Variants in TTYH2 observed in about 807,000 individuals in gnomAD.
The protein encoded by TTYH2 is protein tweety homolog 2.
Under a neutral mutation model 68.3 loss-of-function variants are expected in TTYH2, and 49 were observed. That is an observed-to-expected ratio of 0.72 (90% CI 0.57 to 0.91). TTYH2 has a LOEUF of 0.91. Among genes scored for constraint, TTYH2 ranks in the 40% least tolerant of loss-of-function variants. The pLI is 0.00. For missense variants in TTYH2, 631 were observed against 700.4 expected (o/e 0.90, Z 1.12); for synonymous variants, 272 against 300.8 (o/e 0.90, Z 0.99).
intron 3 of TTYH2, among the ~76,000 whole-genome samples, chr17:74,234,662 TAAGGAGGAGTTTAAGAAATAGAGA>T (rs2050424572): frequency 6.6e-6 from 1 of 152,220 alleles, no homozygotes; most frequent in East Asian, 1.9e-4. Context: ...TTTTTCCCCC[TAAGGAGGAGTTTAAGAAATAGAGA>T]AGTTAACTGT....
chr17:74,246,757 T>C (rs2050562309), intron 6 of TTYH2, among the ~76,000 whole-genome samples: 1 of 152,262 alleles, frequency 6.6e-6, no homozygotes, highest in Middle Eastern at 3.4e-3. Context: ...AGAGGTTTGA[T>C]TGGACTCACA....
At position 74,237,241 on chromosome 17, in the gene TTYH2, G is replaced by A; in HGVS notation, c.415-53G>A. 5.7e-6 allele frequency: 9 copies of A among 1,580,890 alleles called. No individual in the cohort carries two copies. In the South Asian group the frequency reaches 1.0e-4, roughly 18 times the overall value. ...TGCTGCCTGCAAAGACCTCTTCCGG[G>A]ATGAGAATCAGAAGCTCTACCTCCA... On this transcript the variant is annotated intron_variant, in intron 3 of 13. Transcript: ENST00000269346.
rs935471863 is a variant in TTYH2 at position 74,261,133 on chromosome 17, T to C, written c.*924T>C. The C allele has an allele frequency of 6.6e-6, 1 of 152,600 alleles. No individual in the cohort carries two copies. Among genetic ancestry groups the C allele is most frequent in the African/African-American group, 2.4e-5 (1 of 41,454 alleles). 9.5% of individuals were successfully genotyped at this position (152,600 alleles called of 1,614,324 possible). A position where few individuals can be genotyped will look rare whatever the true frequency, so the allele number is the denominator to read the frequency against. On this transcript the variant is annotated 3_prime_UTR_variant, in exon 14 of 14. Coordinates refer to ENST00000269346, the MANE Select transcript of TTYH2 (RefSeq NM_032646.6). ...CCTTACCCTGGTTAGGTCACTACTT[T>C]TGCAGATTTTGCTGGCACTGATCTG...
At position 74,260,157 on chromosome 17, in the gene TTYH2, T is replaced by C; in HGVS notation, c.1553T>C (p.Leu518Pro). The C allele has an allele frequency of 2.5e-6, 4 of 1,613,918 alleles. No individual in the cohort carries two copies. The highest frequency in any genetic ancestry group is 3.4e-6 in the Non-Finnish European group (4 of 1,179,854). The change falls in exon 14 of 14, where the codon CTG becomes CCG. Residue 518 changes from leucine to proline, a missense_variant. Transcript: ENST00000269346. ...TYSPSMRATY[L>P]SVADEHLRHY... is the part of the protein sequence containing the mutation. ...TCTCCCAGCATGAGAGCCACCTACC[T>C]GTCTGTGGCGGATGAGCACCTGAGG...
chr17:74,237,223 T>C, intron 3 of TTYH2, 71 bp from the exon 4 acceptor site: 2 of 1,514,650 alleles, frequency 1.3e-6, no homozygotes, highest in Non-Finnish European at 1.8e-6. Context: ...TTCTGCTGCC[T>C]GCAAAGACCT....
At chr17:74,257,456 C>T (rs1453870241) in intron 13 of TTYH2, among the ~76,000 whole-genome samples, 2 of 152,316 alleles carry the variant, frequency 1.3e-5, no homozygotes, top group East Asian at 1.9e-4. Context: ...AAAGACAGCA[C>T]AGCTGGCTGC....
intron 1 of TTYH2, among the ~76,000 whole-genome samples, chr17:74,219,914 A>G (rs2050259046): frequency 6.6e-6 from 1 of 151,306 alleles, no homozygotes. Context: ...TCCTTTCTGT[A>G]AAGCAGAATT....
intron 13 of TTYH2, among the ~76,000 whole-genome samples, chr17:74,255,446 A>AT (rs2050683842): frequency 6.6e-6 from 1 of 151,372 alleles, no homozygotes; most frequent in Non-Finnish European, 1.5e-5. Flanking sequence ...ATTTTATTTT[A>AT]TTTTTTATTT....
At position 74,215,642 on chromosome 17, in the gene TTYH2, A is replaced by T. The variant is rs956649545; in HGVS notation, c.129+1926A>T. 1 of 1,534,726 alleles carries T rather than the reference A, an allele frequency of 6.5e-7. No individual in the cohort carries two copies. Among genetic ancestry groups the T allele is most frequent in the African/African-American group, 1.4e-5 (1 of 73,014 alleles). On this transcript the variant is annotated intron_variant, in intron 1 of 13. Transcript: ENST00000269346. This position sits in a 1 kb window ranked among gnomAD's most constrained non-coding sequence, Gnocchi z 4.3. ...CTCACCACCACTCAGATCGCTGAGT[A>T]GGAGATGAGCGTGGTGGGCCAGGAC...
intron 1 of TTYH2, among the ~76,000 whole-genome samples, chr17:74,219,134 T>G (rs978133695): frequency 1.6e-4 from 25 of 151,916 alleles, no homozygotes; most frequent in African/African-American, 5.8e-4. Context: ...GGAGAATCAC[T>G]TGAACCTGGG....
rs1160610653 is a variant in TTYH2 at position 74,260,409 on chromosome 17, C to T, written c.*200C>T. 1 of 594,140 alleles carries T rather than the reference C, an allele frequency of 1.7e-6. No homozygotes were observed. The highest frequency in any genetic ancestry group is 2.9e-5 in the East Asian group (1 of 34,436). The allele number at this position is 594,140 out of a possible 1,614,324, so 36.8% of individuals were successfully genotyped here. Reference sequence around the variant, plus strand: ...CACGCGGGCCAGCCTCTCTCTTTTGCCCTGCTCTCCACACCAGAAATGCCC... The same window carrying T: ...CACGCGGGCCAGCCTCTCTCTTTTGTCCTGCTCTCCACACCAGAAATGCCC... On this transcript the variant is annotated 3_prime_UTR_variant, in exon 14 of 14. Transcript: ENST00000269346.
rs904765546 is a variant in TTYH2, at chr17:74,217,379, G to A, written c.129+3663G>A. 5.9e-5 allele frequency among the ~76,000 whole-genome samples: 9 copies of A among 152,184 alleles called. No individual in the cohort carries two copies. The highest frequency in any genetic ancestry group is 1.7e-4 in the African/African-American group (7 of 41,442). ...ACGTGTTCTCTCATTGGTTGGTTCC[G>A]TTCATAGATTCGCCAAAGTACAAAG... On this transcript the variant is annotated intron_variant, in intron 1 of 13. Transcript: ENST00000269346. The surrounding 1 kb of genome is among the most constrained non-coding windows in gnomAD (Gnocchi z 4.0).
rs1459185106 is a variant in TTYH2 at position 74,232,404 on chromosome 17, G to A, written c.414+1405G>A. On this transcript the variant is annotated intron_variant, in intron 3 of 13. Coordinates refer to ENST00000269346, the MANE Select transcript of TTYH2 (RefSeq NM_032646.6). The surrounding 1 kb of genome is among the most constrained non-coding windows in gnomAD (Gnocchi z 5.1). ...CTTTGCAGAGTTCATTCCACCGCCC[G>A]TGTCCACTGGGACCCATCCCCTTAG... Among the ~76,000 whole-genome samples, 4 of 152,178 alleles carry A rather than the reference G, an allele frequency of 2.6e-5. No individual in the cohort carries two copies. The highest frequency in any genetic ancestry group is 2.0e-4 in the Admixed American group (3 of 15,282).
At chr17:74,224,385 TACAC>T (rs71286190) in intron 2 of TTYH2, among the ~76,000 whole-genome samples, 10 of 150,370 alleles carry the variant, frequency 6.7e-5, no homozygotes, top group East Asian at 2.0e-4. Context: ...CCCTGTCTCT[TACAC>T]ACACACACAC....
intron 1 of TTYH2, among the ~76,000 whole-genome samples, chr17:74,221,384 T>C (rs1360647880): frequency 6.6e-6 from 1 of 152,150 alleles, no homozygotes; most frequent in Non-Finnish European, 1.5e-5. Flanking sequence ...CCTGCACAAG[T>C]CTCGTCTCCC....
intron 4 of TTYH2, 109 bp downstream of exon 4, chr17:74,237,623 T>C: frequency 1.1e-6 from 1 of 902,024 alleles, no homozygotes; most frequent in Non-Finnish European, 1.6e-6. Flanking sequence ...TGGAAAGTAT[T>C]TTTTTTTTGT....
At chr17:74,248,872 A>T in intron 6 of TTYH2, 139 bp from the exon 7 acceptor site, 1 of 1,505,670 alleles carries the variant, frequency 6.6e-7, no homozygotes, top group South Asian at 1.3e-5. Context: ...GTTTGAACCC[A>T]GGAGGCTGGC....
At chr17:74,227,014 G>A (rs961702007) in intron 2 of TTYH2, among the ~76,000 whole-genome samples, 9 of 151,404 alleles carry the variant, frequency 5.9e-5, no homozygotes, top group South Asian at 2.1e-4. Flanking sequence ...TCACTCTGTC[G>A]CCCAGGCTGG....
Position 74,260,118 on chromosome 17 carries a change from T to C in TTYH2, c.1525-11T>C. The C allele has an allele frequency of 6.2e-7, 1 of 1,613,266 alleles. No individual in the cohort carries two copies. The highest frequency in any genetic ancestry group is 8.5e-7 in the Non-Finnish European group (1 of 1,179,510). ...TCAGCTCTGACCATCCCCTCTCTTC[T>C]CTCTTGGCAGTACTCTCCCAGCATG... On this transcript the variant is annotated splice_polypyrimidine_tract_variant and intron_variant, in intron 13 of 13. Transcript: ENST00000269346.
Sources: allele counts gnomAD v4.1 joint callset (sites outside exome capture counted in the v4.1 genomes callset), GRCh38; gene constraint gnomAD v4.1.1; non-coding constraint Gnocchi (gnomAD v3.1); transcripts MANE v1.5; gene names NCBI Gene and HGNC (gene_info 2026-07-23, HGNC 2026-07-21).